The following LRP1B variants were observed in gnomAD, a reference collection of about 807,000 sequenced individuals.
The protein encoded by LRP1B is low-density lipoprotein receptor-related protein 1B.
In LRP1B, 217 loss-of-function variants were observed where a neutral mutation model predicts 556.6. The ratio of observed to expected loss-of-function variants is 0.39; its 90% confidence interval spans 0.35 to 0.44. LRP1B has a LOEUF of 0.44. Ranked by LOEUF, LRP1B falls within the 20% of genes least tolerant of loss-of-function variation. The probability of loss-of-function intolerance (pLI) is 1.00; values close to 1 mark genes in which losing one functional copy is unlikely to be tolerated. For missense variants in LRP1B, 5,053 were observed against 5,620.8 expected (o/e 0.90, Z 3.23); for synonymous variants, 2,047 against 1,865.8 (o/e 1.10, Z -2.50).
chr2:140,304,744 G>A (rs1683991638), intron 83 of LRP1B, among the ~76,000 whole-genome samples: 1 of 152,110 alleles, frequency 6.6e-6, no homozygotes, highest in Admixed American at 6.6e-5. Flanking sequence ...CCTATGTCCT[G>A]AATGGTATTG....
At chr2:140,695,393 T>C (rs1481581274) in intron 41 of LRP1B, among the ~76,000 whole-genome samples, 1 of 152,086 alleles carries the variant, frequency 6.6e-6, no homozygotes, top group Non-Finnish European at 1.5e-5. Flanking sequence ...CTACAAGTCA[T>C]TGGCCTAACA....
rs186105857 is a variant in LRP1B, at chr2:141,892,726, C to T, written c.83-82325G>A. Among the ~76,000 whole-genome samples the T allele has an allele frequency of 2.6e-3, 402 of 152,234 alleles. 2 individuals are homozygous for T. The highest frequency in any genetic ancestry group is 9.3e-3 in the African/African-American group (385 of 41,564). On this transcript the variant is annotated intron_variant, in intron 1 of 90. Coordinates refer to ENST00000389484, the MANE Select transcript of LRP1B (RefSeq NM_018557.3). ...GAGGAAAAAAGTAACTTGTAGATTA[C>T]AGAGGTCAAAATGGTGAAGAGTCTT...
At chr2:141,258,136 G>A (rs117581690) in intron 3 of LRP1B, among the ~76,000 whole-genome samples, 3 of 152,110 alleles carry the variant, frequency 2.0e-5, no homozygotes, top group Admixed American at 6.6e-5. Flanking sequence ...ATGTAAACAC[G>A]GTGTCTGATC....
At chr2:141,975,937 G>T (rs369239253) in intron 1 of LRP1B, among the ~76,000 whole-genome samples, 1 of 151,980 alleles carries the variant, frequency 6.6e-6, no homozygotes, top group East Asian at 1.9e-4. Context: ...TCATTGTTCT[G>T]TTATTTATGT....
At chr2:141,894,917 G>A (rs1438098097) in intron 1 of LRP1B, among the ~76,000 whole-genome samples, 2 of 151,460 alleles carry the variant, frequency 1.3e-5, no homozygotes, top group African/African-American at 4.8e-5. Flanking sequence ...GCATGGTGGT[G>A]CATGCCTGTA....
Position 140,657,628 on chromosome 2 carries a change from TACATATATATACATAC to T in LRP1B, c.6799+42606_6799+42621del, listed in dbSNP as rs1194518269. On this transcript the variant is annotated intron_variant, in intron 41 of 90. Transcript: ENST00000389484. The stretch of plus-strand genomic sequence containing the variant: ...ACATATATATACATACATATATACA[TACATATATATACATAC>T]ATATATACATACATATATATACATA... 3.5e-3 allele frequency among the ~76,000 whole-genome samples: 494 copies of T among 142,030 alleles called. 1 individual carries two copies. The highest frequency in any genetic ancestry group is 0.013 in the African/African-American group (476 of 36,972). 93.2% of individuals were successfully genotyped at this position (142,030 alleles called of 152,430 possible). A position where few individuals can be genotyped will look rare whatever the true frequency, so the allele number is the denominator to read the frequency against.
At chr2:140,248,471 C>G (rs954741677) in intron 86 of LRP1B, among the ~76,000 whole-genome samples, 5 of 151,530 alleles carry the variant, frequency 3.3e-5, no homozygotes, top group African/African-American at 1.2e-4. Flanking sequence ...ACTTTTGTTA[C>G]ATCATAAAAA....
At chr2:141,476,624 T>A (rs1469049390) in intron 3 of LRP1B, among the ~76,000 whole-genome samples, 1 of 152,192 alleles carries the variant, frequency 6.6e-6, no homozygotes, top group Admixed American at 6.5e-5. Flanking sequence ...ATATCAGTGT[T>A]ATAGAAAATC....
At chr2:141,113,409 A>G (rs1406663961) in intron 7 of LRP1B, among the ~76,000 whole-genome samples, 1 of 152,202 alleles carries the variant, frequency 6.6e-6, no homozygotes, top group Non-Finnish European at 1.5e-5. Flanking sequence ...CACATGAAGT[A>G]TTTAGCCAAC....
At chr2:141,312,233 C>T (rs1686839898) in intron 3 of LRP1B, among the ~76,000 whole-genome samples, 1 of 152,026 alleles carries the variant, frequency 6.6e-6, no homozygotes, top group African/African-American at 2.4e-5. Context: ...ACGGTAAGGC[C>T]GACCCCTCAT....
intron 7 of LRP1B, among the ~76,000 whole-genome samples, chr2:141,073,835 T>A (rs578190985): frequency 5.3e-5 from 8 of 152,096 alleles, no homozygotes; most frequent in Admixed American, 1.3e-4. Flanking sequence ...ACATCTTCAA[T>A]GTATATCTTG....
intron 32 of LRP1B, among the ~76,000 whole-genome samples, chr2:140,777,154 G>A (rs1443556178): frequency 1.3e-5 from 2 of 152,094 alleles, no homozygotes; most frequent in Admixed American, 6.6e-5. Context: ...AGAATTAATG[G>A]CCACAAATTG....
chr2:140,846,656 C>G (rs1234856645), intron 29 of LRP1B, among the ~76,000 whole-genome samples: 1 of 152,038 alleles, frequency 6.6e-6, no homozygotes, highest in East Asian at 1.9e-4. Context: ...TTGAAGCTGA[C>G]CCCACATTAT....
intron 7 of LRP1B, among the ~76,000 whole-genome samples, chr2:141,092,423 T>C (rs1700191984): frequency 6.6e-6 from 1 of 152,192 alleles, no homozygotes; most frequent in African/African-American, 2.4e-5. Flanking sequence ...GTTATGCCTG[T>C]TAAATATCCA....
intron 20 of LRP1B, among the ~76,000 whole-genome samples, chr2:140,937,465 A>G (rs1449312166): frequency 4.6e-5 from 7 of 152,108 alleles, no homozygotes; most frequent in Non-Finnish European, 7.4e-5. Context: ...ATAGGTAATT[A>G]TTGTTTAATG....
chr2:141,732,554 A>G (rs1693313292), intron 2 of LRP1B, among the ~76,000 whole-genome samples: 1 of 152,094 alleles, frequency 6.6e-6, no homozygotes, highest in Non-Finnish European at 1.5e-5. Flanking sequence ...CTGAGGTTTT[A>G]TATTTAGTTC....
At chr2:140,739,620 G>T (rs759291736) in intron 35 of LRP1B, among the ~76,000 whole-genome samples, 8 of 152,036 alleles carry the variant, frequency 5.3e-5, no homozygotes, top group Non-Finnish European at 1.0e-4. Context: ...ACAATAGAAC[G>T]GATGTTTTAA....
rs559865282 is a variant in LRP1B at position 141,416,208 on chromosome 2, C to T, written c.343+64188G>A. On this transcript the variant is annotated intron_variant, in intron 3 of 90. Coordinates refer to ENST00000389484, the MANE Select transcript of LRP1B (RefSeq NM_018557.3). ...CTCACCAGGTGAGGCTTTCTCCTAG[C>T]GACAGAGTAGAGCAGTTAAGGCTCT... Among the ~76,000 whole-genome samples, 13 of 152,192 alleles carry T rather than the reference C, an allele frequency of 8.5e-5. 1 individual carries two copies. Among genetic ancestry groups the T allele is most frequent in the Admixed American group, 5.2e-4 (8 of 15,290 alleles).
At position 141,675,202 on chromosome 2, in the gene LRP1B, T is replaced by G. The variant is rs114407382; in HGVS notation, c.205+135077A>C. On this transcript the variant is annotated intron_variant, in intron 2 of 90. Coordinates refer to ENST00000389484, the MANE Select transcript of LRP1B (RefSeq NM_018557.3). ...CAAACATTTCTTTCCATTCTTAAAT[T>G]TTTGTTTTATTATATTTAAAGTACC... 1.4e-3 allele frequency among the ~76,000 whole-genome samples: 210 copies of G among 152,060 alleles called. 1 individual carries two copies. Among genetic ancestry groups the G allele is most frequent in the African/African-American group, 4.9e-3 (202 of 41,556 alleles).
Sources: allele counts gnomAD v4.1 joint callset (sites outside exome capture counted in the v4.1 genomes callset), GRCh38; gene constraint gnomAD v4.1.1; transcripts MANE v1.5; gene names NCBI Gene and HGNC (gene_info 2026-07-23, HGNC 2026-07-21).